HACE1: variants seen among roughly 807,000 people sequenced by gnomAD.
HACE1 encodes the protein E3 ubiquitin-protein ligase HACE1.
In HACE1, 73 loss-of-function variants were observed where a neutral mutation model predicts 118.4. The ratio of observed to expected loss-of-function variants is 0.62; its 90% CI spans 0.51 to 0.75. HACE1 has a LOEUF of 0.75. HACE1 is among the 30% of genes least tolerant of loss of function. The probability of loss-of-function intolerance (pLI) is 0.00; values close to 1 mark genes in which losing one functional copy is unlikely to be tolerated. For missense variants in HACE1, 749 were observed against 1,102.2 expected (o/e 0.68, Z 4.54); for synonymous variants, 368 against 374.8 (o/e 0.98, Z 0.21).
chr6:104,771,201 T>C lies in HACE1; in HGVS notation c.2203A>G (p.Asn735Asp), dbSNP rs1780567327. The change falls in exon 19 of 24, where the codon AAT becomes GAT. Residue 735 changes from asparagine to aspartate, a missense_variant. Physicochemically the swap from Asn to Asp is conservative, Grantham distance 23. Transcript: ENST00000262903. ...AAAACTGAAATACTCACTTTATTAT[T>C]TTGTGTCACAAGAATACTCCCACCC... The part of the protein sequence containing the change: ...PGGGSILVTQ[N>D]NKAEYVQLVT... 1.2e-6 allele frequency: 2 copies of C among 1,608,508 alleles called. No individual in the cohort carries two copies. Among genetic ancestry groups the C allele is most frequent in the Non-Finnish European group, 1.7e-6 (2 of 1,174,918 alleles).
chr6:104,784,773 C>A (rs1276598814), intron 12 of HACE1, among the ~76,000 whole-genome samples: 2 of 152,130 alleles, frequency 1.3e-5, no homozygotes, highest in African/African-American at 4.8e-5. Context: ...AGATCCTATA[C>A]AAGGTGACAT....
intron 10 of HACE1, 103 bp downstream of exon 10, chr6:104,795,476 A>G: frequency 1.3e-6 from 1 of 772,346 alleles, no homozygotes; most frequent in Admixed American, 1.9e-5. Context: ...TTTTTATAAC[A>G]TCGTTATCAC....
intron 22 of HACE1, 43 bp from the exon 23 acceptor site, chr6:104,730,459 A>G (rs977243974): frequency 3.1e-6 from 3 of 954,342 alleles, no homozygotes; most frequent in Admixed American, 3.4e-5. Flanking sequence ...TGAAAGAAAG[A>G]TATTTGTGAC....
In HACE1 at chr6:104,749,126, C is replaced by T. The variant is rs566042755; in HGVS notation, c.2343+1215G>A. On this transcript the variant is annotated intron_variant, in intron 20 of 23. Coordinates refer to ENST00000262903, the MANE Select transcript of HACE1 (RefSeq NM_020771.4). ...TTTTGTTGTTGCTATTTGTTTTTTA[C>T]ATACATATAGGTCCAGCAAATAACT... 2.2e-4 allele frequency among the ~76,000 whole-genome samples: 33 copies of T among 152,180 alleles called. No homozygotes were observed. In the South Asian group the frequency reaches 6.8e-3, roughly 32 times the overall value.
At position 104,814,735 on chromosome 6, in the gene HACE1, T is replaced by A. The variant is rs566053308; in HGVS notation, c.535-3342A>T. Among the ~76,000 whole-genome samples, 18 of 136,950 alleles carry A rather than the reference T, an allele frequency of 1.3e-4. 2 individuals are homozygous for A. In the East Asian group the frequency reaches 3.3e-3, roughly 25 times the overall value. The allele number at this position is 136,950 out of a possible 152,430, so 89.8% of individuals were successfully genotyped here. A position where few individuals can be genotyped will look rare whatever the true frequency, so the allele number is the denominator to read the frequency against. On this transcript the variant is annotated intron_variant, in intron 6 of 23. Coordinates refer to ENST00000262903, the MANE Select transcript of HACE1 (RefSeq NM_020771.4). ...GGTGACCAGAGCATGGGAGCAGATT[T>A]CCCCCTTGCTGCTCTCATGAGAGCT...
intron 1 of HACE1, among the ~76,000 whole-genome samples, chr6:104,858,980 G>T (rs959099673): frequency 2.2e-4 from 34 of 152,236 alleles, no homozygotes; most frequent in Middle Eastern, 6.8e-3. Context: ...CTAGTCTGAT[G>T]AATAAATGAA....
intron 7 of HACE1, among the ~76,000 whole-genome samples, chr6:104,800,500 G>C (rs980714125): frequency 1.3e-4 from 20 of 152,246 alleles, no homozygotes; most frequent in Admixed American, 1.1e-3. Context: ...GTGCCCCTCT[G>C]GGATGAAGCT....
chr6:104,763,886 C>T (rs1379317761), intron 19 of HACE1, among the ~76,000 whole-genome samples: 1 of 151,994 alleles, frequency 6.6e-6, no homozygotes, highest in African/African-American at 2.4e-5. Flanking sequence ...CTCATTCCTA[C>T]TAAAAATACA....
chr6:104,822,619 G>A (rs183162876), intron 6 of HACE1, among the ~76,000 whole-genome samples: 19 of 152,142 alleles, frequency 1.2e-4, no homozygotes, highest in African/African-American at 4.1e-4. Flanking sequence ...CACTTTGGGA[G>A]GCCGAGGCAG....
chr6:104,800,126 T>G (rs1472406540), intron 7 of HACE1, among the ~76,000 whole-genome samples: 1 of 152,004 alleles, frequency 6.6e-6, no homozygotes, highest in African/African-American at 2.4e-5. Context: ...CAGTCTGAGA[T>G]AGTCCTGCCA....
In HACE1 at chr6:104,785,296, C is replaced by T. The variant is rs770663890; in HGVS notation, c.1098G>A (p.Ser366=). 1.4e-5 allele frequency: 22 copies of T among 1,607,040 alleles called. No individual in the cohort carries two copies. Among genetic ancestry groups the T allele is most frequent in the Admixed American group, 5.0e-5 (3 of 59,830 alleles). The change falls in exon 12 of 24, where the codon TCG becomes TCA. Residue 366 remains serine (S), a synonymous_variant. Transcript: ENST00000262903. ...CTATTAAAACTAGCCATTCATCTAA[C>T]GAGTGCCAAAGCAATTCCAGAGGCT... is the stretch of plus-strand genomic sequence containing the variant. ...VFKPLELLWH[S]LDEWLVLIAT... is the part of the protein sequence containing the mutation.
At chr6:104,802,259 A>T (rs908072672) in intron 7 of HACE1, among the ~76,000 whole-genome samples, 2 of 152,162 alleles carry the variant, frequency 1.3e-5, no homozygotes, top group Non-Finnish European at 1.5e-5. Flanking sequence ...CTCCCACACA[A>T]TAATAATGGG....
intron 6 of HACE1, among the ~76,000 whole-genome samples, chr6:104,813,438 G>A (rs781144635): frequency 3.6e-5 from 5 of 138,128 alleles, no homozygotes; most frequent in Non-Finnish European, 4.7e-5. Flanking sequence ...AGCCCAATTC[G>A]GGACAATGGG....
chr6:104,793,058 G>A (rs376432282), intron 10 of HACE1, among the ~76,000 whole-genome samples: 108 of 151,656 alleles, frequency 7.1e-4, no homozygotes, highest in African/African-American at 2.3e-3. Flanking sequence ...CACGAGGTCA[G>A]GAGATCGAGA....
chr6:104,770,056 A>G (rs1008821179), intron 19 of HACE1, among the ~76,000 whole-genome samples: 9 of 152,214 alleles, frequency 5.9e-5, no homozygotes, highest in African/African-American at 1.7e-4. Context: ...TTCTACAGAA[A>G]ACTGAGTTCG....
At chr6:104,750,301 G>T (rs1474206968) in intron 20 of HACE1, 40 bp downstream of exon 20, 2 of 1,545,294 alleles carry the variant, frequency 1.3e-6, no homozygotes, top group Non-Finnish European at 1.8e-6. Flanking sequence ...AGAGTTTTTT[G>T]TTGTTGTGTT....
chr6:104,801,663 T>A (rs1358996671), intron 7 of HACE1, among the ~76,000 whole-genome samples: 1 of 152,086 alleles, frequency 6.6e-6, no homozygotes, highest in Non-Finnish European at 1.5e-5. Context: ...GACATGCAAA[T>A]GCCGAGAGAT....
intron 4 of HACE1, among the ~76,000 whole-genome samples, chr6:104,847,327 TCGATA>T (rs1456073852): frequency 2.0e-5 from 3 of 152,238 alleles, no homozygotes; most frequent in African/African-American, 7.2e-5. Context: ...AAGACCTTTG[TCGATA>T]CCCTATCAAC....
chr6:104,803,636 C>T (rs925471258), intron 7 of HACE1, among the ~76,000 whole-genome samples: 1 of 152,178 alleles, frequency 6.6e-6, no homozygotes, highest in Admixed American at 6.5e-5. Context: ...TCAATAGATG[C>T]AGAAAAGGCC....
Sources: gnomAD v4.1 joint callset for allele counts (sites outside exome capture counted in the v4.1 genomes callset) on GRCh38, gnomAD v4.1.1 for gene constraint, MANE v1.5 for transcripts, NCBI Gene and HGNC (gene_info 2026-07-23, HGNC 2026-07-21) for gene names.